Variants in PEPD observed in about 807,000 individuals in gnomAD.
The protein encoded by PEPD is xaa-Pro dipeptidase.
In PEPD, 53 loss-of-function variants were observed where a neutral mutation model predicts 60.7. The ratio of observed to expected loss-of-function variants is 0.87; its 90% CI spans 0.70 to 1.10. The LOEUF (loss-of-function observed/expected upper bound fraction) is 1.10, where lower values mean the gene tolerates loss of function less well. Among genes scored for constraint, PEPD ranks in the 50% least tolerant of loss-of-function variants. The pLI is 0.00. For synonymous variants in PEPD, 267 were observed against 284.1 expected (o/e 0.94, Z 0.60); for missense variants, 711 against 711.9 (o/e 1.00, Z 0.01).
intron 9 of PEPD, among the ~76,000 whole-genome samples, chr19:33,459,470 T>C (rs1423500322): frequency 6.6e-6 from 1 of 152,104 alleles, no homozygotes; most frequent in Non-Finnish European, 1.5e-5. Flanking sequence ...GGTACGCCAC[T>C]AACATGAAAT....
chr19:33,467,947 C>T (rs1185101946), intron 7 of PEPD, among the ~76,000 whole-genome samples: 1 of 152,150 alleles, frequency 6.6e-6, no homozygotes, highest in Non-Finnish European at 1.5e-5. Flanking sequence ...AGGGCCACGT[C>T]CTCCCCTAAT....
intron 9 of PEPD, among the ~76,000 whole-genome samples, chr19:33,444,232 T>C (rs1280225702): frequency 6.6e-6 from 1 of 152,020 alleles, no homozygotes; most frequent in East Asian, 1.9e-4. Context: ...CATGCATGCA[T>C]GCTCTCAAGG....
intron 3 of PEPD, among the ~76,000 whole-genome samples, chr19:33,509,998 T>C (rs1322306784): frequency 1.3e-5 from 2 of 152,216 alleles, no homozygotes; most frequent in Admixed American, 1.3e-4. Flanking sequence ...ATATCAGCGA[T>C]GGGCCTCAGA....
At chr19:33,430,201 A>G (rs1176893821) in intron 9 of PEPD, among the ~76,000 whole-genome samples, 2 of 152,228 alleles carry the variant, frequency 1.3e-5, no homozygotes, top group African/African-American at 4.8e-5. Context: ...CTCACCAGAC[A>G]CTAACCCAGC....
chr19:33,474,398 A>C (rs1162236850), intron 7 of PEPD, among the ~76,000 whole-genome samples: 2 of 152,268 alleles, frequency 1.3e-5, no homozygotes, highest in Non-Finnish European at 2.9e-5. Context: ...ATATCTTTAA[A>C]TACAGTGACA....
intron 12 of PEPD, among the ~76,000 whole-genome samples, chr19:33,398,825 C>T (rs1968425705): frequency 6.6e-6 from 1 of 152,204 alleles, no homozygotes; most frequent in African/African-American, 2.4e-5. Flanking sequence ...CCTTCCTGCA[C>T]CTCCTTTATG....
chr19:33,519,797 G>A (rs997610022), intron 1 of PEPD, among the ~76,000 whole-genome samples: 1 of 152,132 alleles, frequency 6.6e-6, no homozygotes, highest in Non-Finnish European at 1.5e-5. Flanking sequence ...CAGGCGTGGT[G>A]GCTCACACCT....
Position 33,512,882 on chromosome 19 carries a change from C to A in PEPD, c.18-106G>T. On this transcript the variant is annotated intron_variant, in intron 1 of 14. Transcript: ENST00000244137. ...CGGAGGCCCGAGCCTGCCGTGGGACCCCCATCAGCACGGGGCAAGCTGCCC... is the reference window on the plus strand; with the variant it reads ...CGGAGGCCCGAGCCTGCCGTGGGACACCCATCAGCACGGGGCAAGCTGCCC... The A allele has an allele frequency of 2.4e-6, 3 of 1,275,154 alleles. No homozygotes were observed. In the Admixed American group the frequency reaches 5.3e-5, roughly 22 times the overall value. 79.0% of individuals were successfully genotyped at this position (1,275,154 alleles called of 1,614,324 possible).
intron 1 of PEPD, among the ~76,000 whole-genome samples, chr19:33,514,367 C>A (rs58795484): frequency 6.6e-6 from 1 of 151,934 alleles, no homozygotes; most frequent in East Asian, 2.0e-4. Flanking sequence ...TCACATGGGA[C>A]CCTCAGAGGC....
At position 33,449,538 on chromosome 19, in the gene PEPD, A is replaced by G. The variant is rs373818788; in HGVS notation, c.671+13457T>C. Among the ~76,000 whole-genome samples, 25 of 152,356 alleles carry G rather than the reference A, an allele frequency of 1.6e-4. No individual in the cohort carries two copies. The South Asian group carries it at 3.7e-3, about 23-fold the overall frequency. Reference sequence around the variant, plus strand: ...GAAAACAGCAGCAGAACGAGTGTGCAGGGTCACAGCAGGAGAATGGGAGAC... The same window carrying G: ...GAAAACAGCAGCAGAACGAGTGTGCGGGGTCACAGCAGGAGAATGGGAGAC... On this transcript the variant is annotated intron_variant, in intron 9 of 14. Coordinates refer to ENST00000244137, the MANE Select transcript of PEPD (RefSeq NM_000285.4).
At chr19:33,420,535 C>T (rs1968989705) in intron 9 of PEPD, among the ~76,000 whole-genome samples, 1 of 152,026 alleles carries the variant, frequency 6.6e-6, no homozygotes, top group Non-Finnish European at 1.5e-5. Flanking sequence ...AAACCCGTCT[C>T]TACTAAAAAC....
At position 33,509,034 on chromosome 19, in the gene PEPD, C is replaced by T. The variant is rs759342727; in HGVS notation, c.329+1994G>A. 7.2e-4 allele frequency among the ~76,000 whole-genome samples: 109 copies of T among 152,242 alleles called. 1 individual carries two copies. Among genetic ancestry groups the T allele is most frequent in the Non-Finnish European group, 1.4e-3 (93 of 68,040 alleles). ...CCTCTCAGAAGCCACACTTAGCCAG[C>T]AGGCAAGCTCAGCCTCCAATTGCAG... On this transcript the variant is annotated intron_variant, in intron 3 of 14. Coordinates refer to ENST00000244137, the MANE Select transcript of PEPD (RefSeq NM_000285.4).
At chr19:33,493,919 C>T (rs1160992579) in intron 4 of PEPD, among the ~76,000 whole-genome samples, 2 of 152,232 alleles carry the variant, frequency 1.3e-5, no homozygotes. Context: ...CTTGCATCTG[C>T]ATGCCGGGCC....
intron 1 of PEPD, among the ~76,000 whole-genome samples, chr19:33,514,776 G>A (rs1455485325): frequency 4.0e-5 from 6 of 151,604 alleles, no homozygotes; most frequent in African/African-American, 7.3e-5. Flanking sequence ...TGATGACAGC[G>A]CCCTGCCCCA....
chr19:33,413,710 T>C (rs1450430304), intron 9 of PEPD, 67 bp from the exon 10 acceptor site: 2 of 988,664 alleles, frequency 2.0e-6, no homozygotes, highest in Non-Finnish European at 1.6e-6. Flanking sequence ...ACGAGCCCCA[T>C]GAACCCCAAG....
At chr19:33,496,889 C>T (rs537388382) in intron 4 of PEPD, among the ~76,000 whole-genome samples, 4 of 152,214 alleles carry the variant, frequency 2.6e-5, no homozygotes, top group Non-Finnish European at 4.4e-5. Flanking sequence ...AGACCAGGCC[C>T]GAGGGCCGCT....
intron 7 of PEPD, among the ~76,000 whole-genome samples, chr19:33,465,075 T>C (rs1284737340): frequency 6.6e-6 from 1 of 152,148 alleles, no homozygotes; most frequent in African/African-American, 2.4e-5. Context: ...AACACTGTTT[T>C]CATCATAGGT....
intron 7 of PEPD, among the ~76,000 whole-genome samples, chr19:33,475,797 C>G (rs1970203867): frequency 1.3e-5 from 2 of 152,178 alleles, no homozygotes; most frequent in Admixed American, 6.5e-5. Flanking sequence ...ACAGATAGGA[C>G]AGGCTCTCTG....
intron 4 of PEPD, among the ~76,000 whole-genome samples, chr19:33,498,117 CCCA>C (rs1282744183): frequency 6.6e-6 from 1 of 152,050 alleles, no homozygotes; most frequent in Non-Finnish European, 1.5e-5. Context: ...GTTACTGGAG[CCCA>C]CGTGGGCCGC....
Sources: allele counts gnomAD v4.1 joint callset (sites outside exome capture counted in the v4.1 genomes callset), GRCh38; gene constraint gnomAD v4.1.1; transcripts MANE v1.5; gene names NCBI Gene and HGNC (gene_info 2026-07-23, HGNC 2026-07-21).